The following VWF variants were observed in gnomAD, a reference collection of about 807,000 sequenced individuals.
The protein encoded by VWF is von Willebrand factor.
Under a neutral mutation model 308.6 loss-of-function variants are expected in VWF, and 176 were observed. The ratio of observed to expected loss-of-function variants is 0.57; its 90% CI spans 0.50 to 0.65. The LOEUF (loss-of-function observed/expected upper bound fraction) is 0.65. VWF is among the 30% of genes least tolerant of loss of function. The probability of loss-of-function intolerance (pLI) is 0.00; values close to 1 mark genes in which losing one functional copy is unlikely to be tolerated. For synonymous variants in VWF, 1,385 were observed against 1,443.4 expected (o/e 0.96, Z 0.92); for missense variants, 3,146 against 3,648.2 (o/e 0.86, Z 3.55).
intron 30 of VWF, 104 bp downstream of exon 30, chr12:6,016,412 T>C (rs1460536813): frequency 1.4e-6 from 2 of 1,437,896 alleles, no homozygotes; most frequent in Non-Finnish European, 1.9e-6. Flanking sequence ...GAGAAGAAAC[T>C]AAGGCCAAGG....
At chr12:5,968,246 G>A (rs916366595) in intron 45 of VWF, 79 bp from the exon 46 acceptor site, 46 of 1,573,948 alleles carry the variant, frequency 2.9e-5, no homozygotes, top group Non-Finnish European at 3.8e-5. Flanking sequence ...CTCTCTTTGG[G>A]GCTCCTCCTC....
In VWF at chr12:6,091,293, TGGGA is replaced by T. The variant is rs1264232549; in HGVS notation, c.657+4163_657+4166del. 2.3e-4 allele frequency among the ~76,000 whole-genome samples: 18 copies of T among 78,762 alleles called. No homozygotes were observed. In the South Asian group the frequency reaches 7.6e-3, roughly 33 times the overall value. The allele number at this position is 78,762 out of a possible 152,430, so 51.7% of individuals were successfully genotyped here. ...TCGTGTTACCGTGATGGGGGGTGGG[TGGGA>T]GGAGGGAGATGTGGGTGTGTTTTAT... On this transcript the variant is annotated intron_variant, in intron 6 of 51. Transcript: ENST00000261405.
In VWF at chr12:6,080,214, T is replaced by C. The variant is rs538291164; in HGVS notation, c.658-4663A>G. 2.0e-5 allele frequency among the ~76,000 whole-genome samples: 3 copies of C among 152,308 alleles called. No homozygotes were observed. In the East Asian group the frequency reaches 5.8e-4, roughly 29 times the overall value. On this transcript the variant is annotated intron_variant, in intron 6 of 51. Coordinates refer to ENST00000261405, the MANE Select transcript of VWF (RefSeq NM_000552.5). ...TCTCCTCCATTTCTCTGCAAGCTTT[T>C]CAAAGACAGGAGCTGTATTCCCAGG... is the stretch of plus-strand genomic sequence containing the variant.
chr12:6,067,363 G>A (rs1944727599), intron 10 of VWF, among the ~76,000 whole-genome samples: 1 of 152,154 alleles, frequency 6.6e-6, no homozygotes, highest in South Asian at 2.1e-4. Context: ...TCTTATCTAA[G>A]CAAGAAAATG....
At chr12:6,003,814 C>CTTT (rs34433330) in intron 34 of VWF, among the ~76,000 whole-genome samples, 2,957 of 122,754 alleles carry the variant, frequency 0.024, 143 homozygotes, top group African/African-American at 0.042. Context: ...CTTTCTCTCT[C>CTTT]TTTTTTTTTT....
At chr12:6,018,140 C>T (rs1332094409) in intron 28 of VWF, among the ~76,000 whole-genome samples, 1 of 151,422 alleles carries the variant, frequency 6.6e-6, no homozygotes, top group African/African-American at 2.4e-5. Flanking sequence ...TTTATAGAAG[C>T]ACACACAATA....
Position 5,949,133 on chromosome 12 carries a change from G to C in VWF, c.8324C>G (p.Ser2775Cys). 6.2e-7 allele frequency: 1 copy of C among 1,614,252 alleles called. No individual in the cohort carries two copies. Among genetic ancestry groups the C allele is most frequent in the Non-Finnish European group, 8.5e-7 (1 of 1,180,044 alleles). Residue 2775 changes from serine (S) to cysteine (C), a missense_variant, in exon 52 of 52, where the codon TCT (serine) becomes TGT (cysteine). Coordinates refer to ENST00000261405, the MANE Select transcript of VWF (RefSeq NM_000552.5). ...NDVQDQCSCC[S>C]PTRTEPMQVA... The stretch of plus-strand genomic sequence containing the variant: ...CTGCATGGGCTCCGTCCGTGTCGGA[G>C]AGCAGCAGGAGCACTGGTCCTGCAC...
intron 18 of VWF, among the ~76,000 whole-genome samples, chr12:6,043,967 T>A (rs1944418714): frequency 6.6e-6 from 1 of 152,212 alleles, no homozygotes; most frequent in African/African-American, 2.4e-5. Context: ...GGGAAAATTC[T>A]AGTGGGAATG....
At chr12:6,029,542 C>T in intron 21 of VWF, 54 bp from the exon 22 acceptor site, 1 of 1,607,144 alleles carries the variant, frequency 6.2e-7, no homozygotes, top group East Asian at 2.2e-5. Flanking sequence ...GCTCGACAGC[C>T]AGATCCTCCC....
At chr12:5,988,681 C>T (rs1192037547) in intron 38 of VWF, among the ~76,000 whole-genome samples, 1 of 152,210 alleles carries the variant, frequency 6.6e-6, no homozygotes, top group East Asian at 1.9e-4. Flanking sequence ...AAAAAACAAG[C>T]TAAGGCCAAG....
chr12:6,014,778 G>A (rs748694467), intron 31 of VWF, among the ~76,000 whole-genome samples: 2 of 152,200 alleles, frequency 1.3e-5, no homozygotes, highest in Non-Finnish European at 2.9e-5. Context: ...GACCACCAAG[G>A]GGGTATATGT....
At chr12:5,951,792 C>T in intron 50 of VWF, 52 bp downstream of exon 50, 1 of 1,603,820 alleles carries the variant, frequency 6.2e-7, no homozygotes, top group South Asian at 1.1e-5. Flanking sequence ...CAAAGAGCCC[C>T]TGGACTTGCT....
At chr12:6,036,256 C>A in intron 19 of VWF, 132 bp downstream of exon 19, 1 of 754,886 alleles carries the variant, frequency 1.3e-6, no homozygotes, top group Non-Finnish European at 2.3e-6. Flanking sequence ...AACACAGGCA[C>A]GGAGGAAAGG....
chr12:6,092,614 T>TGAGAGTGAGAGTGAGAGAGAGAGA (rs1945053302), intron 6 of VWF, among the ~76,000 whole-genome samples: 7 of 86,088 alleles, frequency 8.1e-5, no homozygotes, highest in South Asian at 7.7e-4. Context: ...AGTGAGTGAG[T>TGAGAGTGAGAGTGAGAGAGAGAGA]GAGAGTGTGT....
Position 6,058,034 on chromosome 12 carries a change from A to T in VWF, c.1544T>A (p.Val515Asp). Residue 515 changes from valine to aspartate, a missense_variant, in exon 14 of 52, where the codon GTC (valine) becomes GAC (aspartate). Val to Asp is a radical substitution (Grantham distance 152). Around this residue, in one of 3 missense-constraint regions of VWF, gnomAD observed 1,304 missense variants for 1,353.0 expected, o/e 0.96. Transcript: ENST00000261405. The surrounding 1 kb of genome is among the most constrained non-coding windows in gnomAD (Gnocchi z 4.9). Reference sequence around the variant, plus strand: ...CAGGCCGCAGGTCTTCCCGGCATAGACGGGGGACAGCTGCAGGAGAGACCA... The same window carrying T: ...CAGGCCGCAGGTCTTCCCGGCATAGTCGGGGGACAGCTGCAGGAGAGACCA... The part of the protein sequence containing the change: ...RGRLLVKLSP[V>D]YAGKTCGLCG... The T allele has an allele frequency of 6.2e-7, 1 of 1,613,076 alleles. No individual in the cohort carries two copies. The highest frequency in any genetic ancestry group is 1.3e-5 in the African/African-American group (1 of 75,040).
chr12:5,968,170 G>T lies in VWF; in HGVS notation c.7730-3C>A, dbSNP rs372396117. 6.2e-7 allele frequency: 1 copy of T among 1,613,988 alleles called. No homozygotes were observed. Among genetic ancestry groups the T allele is most frequent in the Admixed American group, 1.7e-5 (1 of 60,020 alleles). ...GAGCATGCAGGCCTCCATGCGCTCT[G>T]GGGGAGAGAAAAGTGCAGAGTGAGA... On this transcript the variant is annotated splice_polypyrimidine_tract_variant and splice_region_variant and intron_variant, in intron 45 of 51. Coordinates refer to ENST00000261405, the MANE Select transcript of VWF (RefSeq NM_000552.5).
Position 6,016,160 on chromosome 12 carries a change from G to A in VWF, c.5384C>T (p.Ala1795Val), listed in dbSNP as rs146729537. The change falls in exon 31 of 52, where the codon GCG becomes GTG. Residue 1795 changes from alanine to valine, a missense_variant. Ala to Val is a moderately conservative substitution (Grantham distance 64, BLOSUM62 0). This residue lies in a region of VWF where 853 missense variants were observed against 1,177.8 expected (regional missense o/e 0.72). Coordinates refer to ENST00000261405, the MANE Select transcript of VWF (RefSeq NM_000552.5). ...MHGARPGASKAVVILVTDVSV... is the reference protein window; with the variant it reads ...MHGARPGASKVVVILVTDVSV... ...GACGTCCGTGACCAGGATGACCACC[G>A]CCTTTGAGGCTCCCGGCCTGGCACC... is the stretch of plus-strand genomic sequence containing the variant. The A allele has an allele frequency of 1.5e-4, 246 of 1,614,148 alleles. 2 individuals are homozygous for A. The African/African-American group carries it at 2.7e-3, about 18-fold the overall frequency.
rs1943668638 is a variant in VWF at position 5,985,442 on chromosome 12, C to T, written c.6901+121G>A. The T allele has an allele frequency of 9.5e-6, 11 of 1,152,562 alleles. No homozygotes were observed. The South Asian group carries it at 1.5e-4, about 15-fold the overall frequency. 71.4% of individuals were successfully genotyped at this position (1,152,562 alleles called of 1,614,324 possible). ...CAGGCTGGGCAAGGAAGCCCACCCA[C>T]TCTAGGACTCTAGGTGCCAGTGTTT... On this transcript the variant is annotated intron_variant, in intron 39 of 51. Transcript: ENST00000261405.
chr12:6,065,404 T>G lies in VWF; in HGVS notation c.1157-131A>C, dbSNP rs539089817. 5.0e-6 allele frequency: 6 copies of G among 1,208,564 alleles called. No individual in the cohort carries two copies. The South Asian group carries it at 7.8e-5, about 16-fold the overall frequency. 74.9% of individuals were successfully genotyped at this position (1,208,564 alleles called of 1,614,324 possible). A position where few individuals can be genotyped will look rare whatever the true frequency, so the allele number is the denominator to read the frequency against. On this transcript the variant is annotated intron_variant, in intron 10 of 51. Transcript: ENST00000261405. ...CATGGACGTCCTTTGCCCAAACCAG[T>G]CTAAAAACAAGTTCTACGAGAAAAT...
Sources: gnomAD v4.1 joint callset for allele counts (sites outside exome capture counted in the v4.1 genomes callset) on GRCh38, gnomAD v4.1.1 for gene constraint, gnomAD v4.1.1 regional missense constraint, Gnocchi (gnomAD v3.1) non-coding constraint, MANE v1.5 for transcripts, NCBI Gene and HGNC (gene_info 2026-07-23, HGNC 2026-07-21) for gene names.